Variants in SPDYE3 observed in about 807,000 individuals in gnomAD.
SPDYE3 encodes the protein speedy/RINGO cell cycle regulator family member E3.
SPDYE3 carries 15 observed loss-of-function variants against 55.0 expected under a neutral mutation model. The observed-to-expected ratio is 0.27, with a 90% CI of 0.18 to 0.42. The LOEUF (loss-of-function observed/expected upper bound fraction) is 0.42, where lower values mean the gene tolerates loss of function less well. Among genes scored for constraint, SPDYE3 ranks in the 10% least tolerant of loss-of-function variants. SPDYE3 has a pLI of 1.00. For synonymous variants in SPDYE3, 89 were observed against 229.9 expected (o/e 0.39, Z 5.55); for missense variants, 236 against 576.7 (o/e 0.41, Z 6.05).
chr7:100,308,367 A>C (rs1029159640), intron 1 of SPDYE3, among the ~76,000 whole-genome samples: 1 of 149,922 alleles, frequency 6.7e-6, no homozygotes, highest in Admixed American at 6.7e-5. Flanking sequence ...AAAAAAAAGA[A>C]GGGTCAGAGG....
In SPDYE3 at chr7:100,322,077, T is replaced by C. The variant is rs1563096359; in HGVS notation, c.*1232T>C. The C allele has an allele frequency of 6.6e-6, 1 of 152,062 alleles. No individual in the cohort carries two copies. Among genetic ancestry groups the C allele is most frequent in the East Asian group, 1.9e-4 (1 of 5,206 alleles). The allele number at this position is 152,062 out of a possible 1,614,324, so 9.4% of individuals were successfully genotyped here. A position where few individuals can be genotyped will look rare whatever the true frequency, so the allele number is the denominator to read the frequency against. On this transcript the variant is annotated 3_prime_UTR_variant, in exon 11 of 11. Coordinates refer to ENST00000332397, the MANE Select transcript of SPDYE3 (RefSeq NM_001004351.5). ...TTCAATCTTTGTATCTATTACTACA[T>C]ATGCTGCTGAAGGGAGCAGACTTTT...
rs577036288 is a variant in SPDYE3 at position 100,319,660 on chromosome 7, G to C, written c.1442G>C (p.Arg481Pro). The C allele has an allele frequency of 1.2e-6, 2 of 1,614,176 alleles. No individual in the cohort carries two copies. Among genetic ancestry groups the C allele is most frequent in the Non-Finnish European group, 1.7e-6 (2 of 1,180,036 alleles). The change falls in exon 9 of 11, where the codon CGC becomes CCC. Residue 481 changes from arginine (R) to proline (P), a missense_variant. By Grantham distance (103) the Arg-to-Pro change is moderately radical (BLOSUM62 -2). Transcript: ENST00000332397. ...YGKTHSHIPL[R>P]PKHWFQLCRP... Reference sequence around the variant, plus strand: ...AAGACCCACTCTCACATACCCTTGCGCCCTAAGCATTGGTTCCAGTTATGC... The same window carrying C: ...AAGACCCACTCTCACATACCCTTGCCCCCTAAGCATTGGTTCCAGTTATGC...
At position 100,319,595 on chromosome 7, in the gene SPDYE3, C is replaced by T. The variant is rs751968703; in HGVS notation, c.1377C>T (p.Asp459=). ...TGGCCAATGACATGGAGGAGGACGA[C>T]GAGGCCCCCAAACAAAAGATCTTCT... is the stretch of plus-strand genomic sequence containing the variant. ...LYLANDMEED[D]EAPKQKIFYF... Residue 459 remains aspartate (D), a synonymous_variant, in exon 9 of 11, where the codon GAC becomes GAT. Coordinates refer to ENST00000332397, the MANE Select transcript of SPDYE3 (RefSeq NM_001004351.5). 19 of 1,614,188 alleles carry T rather than the reference C, an allele frequency of 1.2e-5. No homozygotes were observed. Among genetic ancestry groups the T allele is most frequent in the Middle Eastern group, 3.3e-4 (2 of 6,062 alleles).
chr7:100,308,317 T>C (rs1389979599), intron 1 of SPDYE3, among the ~76,000 whole-genome samples: 31 of 111,686 alleles, frequency 2.8e-4, no homozygotes, highest in African/African-American at 1.1e-3. Flanking sequence ...GGTGAGAGAG[T>C]GAGACGCTGT....
intron 8 of SPDYE3, among the ~76,000 whole-genome samples, chr7:100,318,205 G>A (rs1806156690): frequency 6.6e-6 from 1 of 152,094 alleles, no homozygotes; most frequent in South Asian, 2.1e-4. Flanking sequence ...TGAATCCACT[G>A]TCAAATGCTC....
chr7:100,307,842 C>G lies in SPDYE3; in HGVS notation c.-44C>G, dbSNP rs772008611. 1.9e-6 allele frequency: 3 copies of G among 1,540,454 alleles called. No homozygotes were observed. The highest frequency in any genetic ancestry group is 2.3e-4 in the Middle Eastern group (1 of 4,360). On this transcript the variant is annotated 5_prime_UTR_variant, in exon 1 of 11. Transcript: ENST00000332397. Reference sequence around the variant, plus strand: ...GTCCAGAAGAAGACCAAGGACAGAACAGAGACTAGCTTCGGTGAGATTGGA... The same window carrying G: ...GTCCAGAAGAAGACCAAGGACAGAAGAGAGACTAGCTTCGGTGAGATTGGA...
chr7:100,320,292 G>A (rs553101975), intron 10 of SPDYE3: 120 of 1,088,478 alleles, frequency 1.1e-4, no homozygotes, highest in East Asian at 1.4e-4. Context: ...CACTCCAGCC[G>A]GGGCGACAGA....
At chr7:100,308,447 A>T (rs1490388109) in intron 1 of SPDYE3, among the ~76,000 whole-genome samples, 1 of 150,548 alleles carries the variant, frequency 6.6e-6, no homozygotes, top group Non-Finnish European at 1.5e-5. Flanking sequence ...AGTGGCTCAC[A>T]CCTGTAATCC....
chr7:100,319,580 C>T lies in SPDYE3; in HGVS notation c.1362C>T (p.Asp454=). 1.2e-6 allele frequency: 2 copies of T among 1,614,212 alleles called. No homozygotes were observed. The highest frequency in any genetic ancestry group is 1.7e-6 in the Non-Finnish European group (2 of 1,180,040). ...CTGTCCTCAGCTATCTGGCCAATGA[C>T]ATGGAGGAGGACGACGAGGCCCCCA... The part of the protein sequence containing the change: ...HFFLALYLAN[D]MEEDDEAPKQ... Residue 454 remains aspartate, a synonymous_variant, in exon 9 of 11, where the codon GAC becomes GAT. Transcript: ENST00000332397.
At chr7:100,315,204 AG>A (rs1328875577) in intron 6 of SPDYE3, among the ~76,000 whole-genome samples, 1 of 152,136 alleles carries the variant, frequency 6.6e-6, no homozygotes, top group Non-Finnish European at 1.5e-5. Flanking sequence ...GCTTAAACCC[AG>A]GAGGCAGAGG....
At chr7:100,315,936 C>G in intron 7 of SPDYE3, 93 bp downstream of exon 7, 1 of 1,568,946 alleles carries the variant, frequency 6.4e-7, no homozygotes, top group Non-Finnish European at 8.7e-7. Flanking sequence ...CCTCCACCAC[C>G]TCCCACCAGA....
rs1789531104 is a variant in SPDYE3 at position 100,319,809 on chromosome 7, G to A, written c.1590+1G>A. The A allele has an allele frequency of 3.1e-6, 5 of 1,613,962 alleles. No individual in the cohort carries two copies. The highest frequency in any genetic ancestry group is 4.2e-6 in the Non-Finnish European group (5 of 1,179,978). Reference sequence around the variant, plus strand: ...GGTTTCCCCGGAGGAGTTGGAGGAGGTGGGTGGGGCCTGGGGAGGTGGAGG... The same window carrying A: ...GGTTTCCCCGGAGGAGTTGGAGGAGATGGGTGGGGCCTGGGGAGGTGGAGG... On this transcript the variant is annotated splice_donor_variant, in intron 9 of 10. Transcript: ENST00000332397. LOFTEE classifies it high-confidence loss of function.
chr7:100,318,194 T>C (rs1461747143), intron 8 of SPDYE3, among the ~76,000 whole-genome samples: 4 of 152,076 alleles, frequency 2.6e-5, no homozygotes, highest in African/African-American at 9.7e-5. Context: ...CTTGCATCAC[T>C]TGAATCCACT....
rs1443846874 is a variant in SPDYE3, at chr7:100,315,902, G to A, written c.1260+59G>A. The A allele has an allele frequency of 3.1e-6, 5 of 1,595,348 alleles. No individual in the cohort carries two copies. In the African/African-American group the frequency reaches 4.0e-5, roughly 13 times the overall value. On this transcript the variant is annotated intron_variant, in intron 7 of 10. Transcript: ENST00000332397. Reference sequence around the variant, plus strand: ...TCTAACGCACGGCCAGGGGGAGGGCGCAGCTTCCAAACCCACAGTTCTCCC... The same window carrying A: ...TCTAACGCACGGCCAGGGGGAGGGCACAGCTTCCAAACCCACAGTTCTCCC...
At chr7:100,317,975 C>CA (rs1159920205) in intron 8 of SPDYE3, among the ~76,000 whole-genome samples, 1,020 of 42,768 alleles carry the variant, frequency 0.024, 10 homozygotes, top group African/African-American at 0.044. Flanking sequence ...GACTCCGTCT[C>CA]AAAAAAAAAA....
intron 8 of SPDYE3, among the ~76,000 whole-genome samples, chr7:100,317,802 T>TAA (rs1185913609): frequency 3.7e-5 from 5 of 134,172 alleles, no homozygotes; most frequent in Admixed American, 7.5e-5. Context: ...TGTCTCCACT[T>TAA]AAAAAAAAAA....
chr7:100,319,048 A>C (rs919115355), intron 8 of SPDYE3, among the ~76,000 whole-genome samples: 1 of 151,498 alleles, frequency 6.6e-6, no homozygotes, highest in Non-Finnish European at 1.5e-5. Context: ...AGTAGCTAGG[A>C]CTAATGGGTG....
chr7:100,320,155 C>T (rs1017570418), intron 10 of SPDYE3, 120 bp downstream of exon 10: 4 of 1,510,260 alleles, frequency 2.6e-6, no homozygotes, highest in African/African-American at 2.8e-5. Context: ...CCCCTCTCCA[C>T]AAAAATACAA....
intron 6 of SPDYE3, among the ~76,000 whole-genome samples, chr7:100,315,177 G>A (rs1351201341): frequency 6.6e-6 from 1 of 152,094 alleles, no homozygotes; most frequent in Non-Finnish European, 1.5e-5. Context: ...TACTCGGGAG[G>A]CTGAGACAGG....
Sources: gnomAD v4.1 joint callset for allele counts (sites outside exome capture counted in the v4.1 genomes callset) on GRCh38, gnomAD v4.1.1 for gene constraint, MANE v1.5 for transcripts, NCBI Gene and HGNC (gene_info 2026-07-23, HGNC 2026-07-21) for gene names.